FNDC1: variants seen among roughly 807,000 people sequenced by gnomAD.
FNDC1 encodes fibronectin type III domain-containing protein 1.
In FNDC1, 96 loss-of-function variants were observed where a neutral mutation model predicts 168.0. The observed-to-expected ratio is 0.57, with a 90% CI of 0.48 to 0.68. The LOEUF (loss-of-function observed/expected upper bound fraction) is 0.68, where lower values mean the gene tolerates loss of function less well. Ranked by LOEUF, FNDC1 falls within the 30% of genes least tolerant of loss-of-function variation. FNDC1 has a pLI of 0.00. For synonymous variants in FNDC1, 1,099 were observed against 1,025.9 expected (o/e 1.07, Z -1.36); for missense variants, 2,587 against 2,482.1 (o/e 1.04, Z -0.90).
At position 159,229,941 on chromosome 6, in the gene FNDC1, G is replaced by C. The variant is rs775787076; in HGVS notation, c.1307G>C (p.Arg436Pro). 4 of 1,613,716 alleles carry C rather than the reference G, an allele frequency of 2.5e-6. No individual in the cohort carries two copies. The highest frequency in any genetic ancestry group is 3.4e-6 in the Non-Finnish European group (4 of 1,179,824). ...GGGGAACGCTATCTTTTCAAAATCCGGGCCACAAACAGGAGAGGCCTGGGA... is the reference window on the plus strand; with the variant it reads ...GGGGAACGCTATCTTTTCAAAATCCCGGCCACAAACAGGAGAGGCCTGGGA... Reference protein sequence around the residue: ...QPGERYLFKIRATNRRGLGPH... With the variant: ...QPGERYLFKIPATNRRGLGPH... The change falls in exon 10 of 23, where the codon CGG (arginine) becomes CCG (proline). Residue 436 changes from arginine to proline, a missense_variant. Transcript: ENST00000297267.
chr6:159,269,257 C>CATCTATCTATCTATCTATCT (rs369450487), intron 22 of FNDC1, among the ~76,000 whole-genome samples: 10 of 42,678 alleles, frequency 2.3e-4, no homozygotes, highest in East Asian at 1.3e-3. Flanking sequence ...ATCCATCTAT[C>CATCTATCTATCTATCTATCT]ATCTATCTAT....
At chr6:159,244,370 T>C (rs1783495243) in intron 14 of FNDC1, among the ~76,000 whole-genome samples, 1 of 152,222 alleles carries the variant, frequency 6.6e-6, no homozygotes. Context: ...AACGGATGGA[T>C]AATTTACAAC....
At position 159,267,972 on chromosome 6, in the gene FNDC1, C is replaced by A. The variant is rs560889; in HGVS notation, c.5569+46C>A. On this transcript the variant is annotated intron_variant, in intron 22 of 22. Coordinates refer to ENST00000297267, the MANE Select transcript of FNDC1 (RefSeq NM_032532.3). ...ATATATTATCCTAGGAGGTGGGAGA[C>A]AAGGATTAATAGAGGGGGAAAATCC... The A allele has an allele frequency of 1.1e-5, 17 of 1,575,704 alleles. No individual in the cohort carries two copies. In the African/African-American group the frequency reaches 1.4e-4, roughly 13 times the overall value.
chr6:159,264,376 T>C (rs975387316), intron 19 of FNDC1, among the ~76,000 whole-genome samples: 8 of 152,220 alleles, frequency 5.3e-5, no homozygotes, highest in Non-Finnish European at 1.2e-4. Flanking sequence ...CCTAGCATAA[T>C]CATTTTGAGA....
At chr6:159,182,492 C>G (rs1583852027) in intron 1 of FNDC1, among the ~76,000 whole-genome samples, 1 of 152,194 alleles carries the variant, frequency 6.6e-6, no homozygotes, top group East Asian at 1.9e-4. Flanking sequence ...ATGCCATACT[C>G]TGTTCTCTGA....
intron 1 of FNDC1, among the ~76,000 whole-genome samples, chr6:159,180,450 T>C (rs899126031): frequency 1.3e-5 from 2 of 152,146 alleles, no homozygotes; most frequent in Non-Finnish European, 2.9e-5. Flanking sequence ...CCAACATGAT[T>C]CCTTTTCTTT....
In FNDC1 at chr6:159,232,286, C is replaced by G; in HGVS notation, c.1774C>G (p.Pro592Ala). The G allele has an allele frequency of 6.2e-7, 1 of 1,611,166 alleles. No individual in the cohort carries two copies. The change falls in exon 11 of 23, where the codon CCC becomes GCC. Residue 592 changes from proline to alanine, a missense_variant. Pro to Ala is a conservative substitution (Grantham distance 27, BLOSUM62 -1). Transcript: ENST00000297267. The surrounding 1 kb of genome is among the most constrained non-coding windows in gnomAD (Gnocchi z 4.9). ...TAVRARMPAL[P>A]RREGVDKPGF... ...AGTGAGGGCCCGGATGCCAGCGCTGCCCCGAAGGGAAGGCGTAGATAAGCC... is the reference window on the plus strand; with the variant it reads ...AGTGAGGGCCCGGATGCCAGCGCTGGCCCGAAGGGAAGGCGTAGATAAGCC...
chr6:159,242,690 C>T (rs1413163779), intron 14 of FNDC1, among the ~76,000 whole-genome samples: 2 of 152,108 alleles, frequency 1.3e-5, no homozygotes, highest in Admixed American at 6.5e-5. Context: ...TAGCAGTCAG[C>T]CCTCATTCCT....
rs9456377 is a variant in FNDC1, at chr6:159,212,334, T to C, written c.461-2611T>C. On this transcript the variant is annotated intron_variant, in intron 4 of 22. Coordinates refer to ENST00000297267, the MANE Select transcript of FNDC1 (RefSeq NM_032532.3). ...ACTTACACAGATTTATTAGAGAATT[T>C]CAGAAGGCTTTGGTGAGGCTATCAC... 2.0e-3 allele frequency among the ~76,000 whole-genome samples: 305 copies of C among 152,338 alleles called. 1 individual carries two copies. Among genetic ancestry groups the C allele is most frequent in the African/African-American group, 7.0e-3 (292 of 41,572 alleles).
rs140392851 is a variant in FNDC1 at position 159,225,422 on chromosome 6, A to T, written c.885-113A>T. ...AAAGTTTAGATTTTTCTCCTCTTTG[A>T]TTTTCTTACTTACCTCCCAAAGTCA... On this transcript the variant is annotated intron_variant, in intron 7 of 22. Transcript: ENST00000297267. 1.9e-5 allele frequency: 16 copies of T among 836,466 alleles called. No homozygotes were observed. The African/African-American group carries it at 2.4e-4, about 12-fold the overall frequency. 51.8% of individuals were successfully genotyped at this position (836,466 alleles called of 1,614,324 possible). A position where few individuals can be genotyped will look rare whatever the true frequency, so the allele number is the denominator to read the frequency against.
chr6:159,193,397 C>T (rs1229360062), intron 1 of FNDC1, among the ~76,000 whole-genome samples: 1 of 152,100 alleles, frequency 6.6e-6, no homozygotes, highest in Non-Finnish European at 1.5e-5. Context: ...GTCTTCATTA[C>T]TTGTAGGCAT....
chr6:159,215,941 G>A (rs1782701323), intron 5 of FNDC1, among the ~76,000 whole-genome samples: 2 of 152,046 alleles, frequency 1.3e-5, no homozygotes, highest in African/African-American at 4.8e-5. Flanking sequence ...CACCCTCACA[G>A]ACATACCCAG....
intron 14 of FNDC1, among the ~76,000 whole-genome samples, chr6:159,242,061 T>C (rs942160549): frequency 1.3e-5 from 2 of 152,178 alleles, no homozygotes; most frequent in Non-Finnish European, 1.5e-5. Context: ...CTATTCACAA[T>C]AGCAAAGAGA....
In FNDC1 at chr6:159,200,574, C is replaced by T. The variant is rs1368766012; in HGVS notation, c.453C>T (p.Thr151=). 1.6e-5 allele frequency: 25 copies of T among 1,591,252 alleles called. No homozygotes were observed. The highest frequency in any genetic ancestry group is 1.2e-4 in the Admixed American group (7 of 57,166). Residue 151 remains threonine (T), a synonymous_variant, in exon 4 of 23, where the codon ACC becomes ACT. Coordinates refer to ENST00000297267, the MANE Select transcript of FNDC1 (RefSeq NM_032532.3). ...AGGGTCCAGGACCATTTAATGAAAC[C>T]GTCACAGGTACTACTTCCTCCTTCA... ...PIKGPGPFNE[T]VTEKEVPNKP...
At chr6:159,262,643 A>G (rs1418145160) in intron 19 of FNDC1, among the ~76,000 whole-genome samples, 1 of 152,248 alleles carries the variant, frequency 6.6e-6, no homozygotes. Flanking sequence ...TCTGATCTGA[A>G]ATCTTTCTGA....
In FNDC1 at chr6:159,215,049, C is replaced by T. The variant is rs376877270; in HGVS notation, c.565C>T (p.Arg189Cys). The T allele has an allele frequency of 3.0e-5, 49 of 1,613,998 alleles. No individual in the cohort carries two copies. Among genetic ancestry groups the T allele is most frequent in the East Asian group, 4.5e-5 (2 of 44,878 alleles). The stretch of plus-strand genomic sequence containing the variant: ...ACGCCTGTCTGGAGCCAAGAGTCCA[C>T]GCAGATCACGGGGTTTTCTCCTGGG... ...APRLSGAKSP[R>C]RSRGFLLGYG... is the part of the protein sequence containing the mutation. Residue 189 changes from arginine to cysteine, a missense_variant, in exon 5 of 23, where the codon CGC (arginine) becomes TGC (cysteine). Arg to Cys is a radical substitution (Grantham distance 180). Transcript: ENST00000297267.
At position 159,269,289 on chromosome 6, in the gene FNDC1, T is replaced by TATCC. The variant is rs1172613650; in HGVS notation, c.5569+1375_5569+1378dup. ...CTATCTATCTATCTATCTATCTATCTATCCATCCATCCATCTATCCTATCT... is the reference window on the plus strand; with the variant it reads ...CTATCTATCTATCTATCTATCTATCTATCCATCCATCCATCCATCTATCCTATCT... On this transcript the variant is annotated intron_variant, in intron 22 of 22. Transcript: ENST00000297267. Among the ~76,000 whole-genome samples the TATCC allele has an allele frequency of 1.7e-3, 75 of 45,108 alleles. 6 individuals are homozygous for TATCC. The highest frequency in any genetic ancestry group is 2.9e-3 in the African/African-American group (69 of 23,450). 29.6% of individuals were successfully genotyped at this position (45,108 alleles called of 152,430 possible). A position where few individuals can be genotyped will look rare whatever the true frequency, so the allele number is the denominator to read the frequency against.
chr6:159,171,636 G>A (rs947827424), intron 1 of FNDC1, among the ~76,000 whole-genome samples: 1 of 152,136 alleles, frequency 6.6e-6, no homozygotes, highest in Non-Finnish European at 1.5e-5. Flanking sequence ...TCAGTGTAGG[G>A]TCAATTAAAC....
intron 11 of FNDC1, 77 bp from the exon 12 acceptor site, chr6:159,236,138 T>C: frequency 1.1e-6 from 1 of 908,542 alleles, no homozygotes; most frequent in Non-Finnish European, 1.8e-6. Context: ...TCACTACTAA[T>C]AGTTTGGTAT....
Sources: allele counts gnomAD v4.1 joint callset (sites outside exome capture counted in the v4.1 genomes callset), GRCh38; gene constraint gnomAD v4.1.1; non-coding constraint Gnocchi (gnomAD v3.1); transcripts MANE v1.5; gene names NCBI Gene and HGNC (gene_info 2026-07-23, HGNC 2026-07-21).